Variants in USP25 observed in about 807,000 individuals in gnomAD.
USP25 encodes ubiquitin specific peptidase 25.
Under a neutral mutation model 158.5 loss-of-function variants are expected in USP25, and 85 were observed. The observed-to-expected ratio is 0.54, with a 90% confidence interval of 0.45 to 0.64. USP25 has a LOEUF of 0.64. Among genes scored for constraint, USP25 ranks in the 30% least tolerant of loss-of-function variants. The pLI is 0.00. For missense variants in USP25, 1,242 were observed against 1,327.3 expected (o/e 0.94, Z 1.00); for synonymous variants, 464 against 460.4 (o/e 1.01, Z -0.10).
intron 20 of USP25, among the ~76,000 whole-genome samples, chr21:15,859,780 T>C (rs1420797029): frequency 6.6e-6 from 1 of 151,964 alleles, no homozygotes; most frequent in East Asian, 1.9e-4. Flanking sequence ...TAAAACATTT[T>C]TTCTGTATTA....
chr21:15,825,862 C>A (rs1301573196), intron 12 of USP25, among the ~76,000 whole-genome samples: 2 of 152,128 alleles, frequency 1.3e-5, no homozygotes, highest in African/African-American at 4.8e-5. Flanking sequence ...GTACACATCA[C>A]TGTCTTGATC....
intron 23 of USP25, among the ~76,000 whole-genome samples, chr21:15,871,506 G>A (rs2146592295): frequency 6.6e-6 from 1 of 152,184 alleles, no homozygotes; most frequent in South Asian, 2.1e-4. Context: ...ACTAGGAGAA[G>A]AAAAATTAAA....
intron 9 of USP25, among the ~76,000 whole-genome samples, chr21:15,817,965 A>G (rs2037031577): frequency 6.6e-6 from 1 of 152,182 alleles, no homozygotes; most frequent in Non-Finnish European, 1.5e-5. Flanking sequence ...GTAGATTTTA[A>G]CTCACTGCCT....
rs1437662793 is a variant in USP25, at chr21:15,843,085, G to A, written c.2337+545G>A. On this transcript the variant is annotated intron_variant, in intron 18 of 25. Transcript: ENST00000400183. This position sits in a 1 kb window ranked among gnomAD's most constrained non-coding sequence, Gnocchi z 4.0. ...TTTTAAGAACGTCCTGTGCAAAAAC[G>A]TCATTAGGCTACTCTATTGTAGTTT... Among the ~76,000 whole-genome samples the A allele has an allele frequency of 2.0e-5, 3 of 152,048 alleles. No individual in the cohort carries two copies. Among genetic ancestry groups the A allele is most frequent in the East Asian group, 3.8e-4 (2 of 5,196 alleles).
At chr21:15,814,527 A>G (rs1316006212) in intron 9 of USP25, among the ~76,000 whole-genome samples, 1 of 152,160 alleles carries the variant, frequency 6.6e-6, no homozygotes, top group East Asian at 1.9e-4. Flanking sequence ...TGATAGTGAT[A>G]TGAACAATAA....
At chr21:15,785,999 C>T (rs2035250405) in intron 4 of USP25, among the ~76,000 whole-genome samples, 2 of 150,864 alleles carry the variant, frequency 1.3e-5, no homozygotes, top group Non-Finnish European at 3.0e-5. Context: ...TGGAGGATCA[C>T]AAGAGACTAT....
At chr21:15,795,367 A>G (rs747595049) in intron 5 of USP25, among the ~76,000 whole-genome samples, 2 of 151,686 alleles carry the variant, frequency 1.3e-5, no homozygotes, top group East Asian at 1.9e-4. Flanking sequence ...TATTTTCTAT[A>G]TACTTTAATA....
chr21:15,781,756 C>T (rs2034977455), intron 4 of USP25, among the ~76,000 whole-genome samples: 2 of 152,102 alleles, frequency 1.3e-5, no homozygotes, highest in Non-Finnish European at 2.9e-5. Flanking sequence ...ATCATCAGTC[C>T]TCATCACCAC....
chr21:15,820,672 T>C (rs2037186303), intron 10 of USP25, among the ~76,000 whole-genome samples: 1 of 152,036 alleles, frequency 6.6e-6, no homozygotes, highest in Non-Finnish European at 1.5e-5. Context: ...TATAGTCTTA[T>C]TATATCCTTT....
At chr21:15,765,745 G>A (rs538970183) in intron 2 of USP25, among the ~76,000 whole-genome samples, 1 of 152,158 alleles carries the variant, frequency 6.6e-6, no homozygotes, top group East Asian at 1.9e-4. Context: ...AGATAGGAAA[G>A]TAATGAAGAC....
intron 8 of USP25, 28 bp from the exon 9 acceptor site, chr21:15,811,109 C>T: frequency 1.3e-6 from 2 of 1,581,896 alleles, no homozygotes; most frequent in South Asian, 2.3e-5. Flanking sequence ...AAATTGTAAT[C>T]ACATTTATAT....
chr21:15,850,966 A>C (rs2038858411), intron 20 of USP25, among the ~76,000 whole-genome samples: 1 of 151,978 alleles, frequency 6.6e-6, no homozygotes, highest in African/African-American at 2.4e-5. Context: ...AAAGGTTGAA[A>C]ATCTACTTCT....
intron 1 of USP25, among the ~76,000 whole-genome samples, chr21:15,730,647 A>T (rs990105547): frequency 6.6e-6 from 1 of 152,004 alleles, no homozygotes; most frequent in African/African-American, 2.4e-5. Flanking sequence ...GCTTCAATCC[A>T]CTTCCTTCTG....
intron 1 of USP25, among the ~76,000 whole-genome samples, chr21:15,752,494 G>A (rs1285931679): frequency 6.6e-6 from 1 of 152,200 alleles, no homozygotes; most frequent in Non-Finnish European, 1.5e-5. Flanking sequence ...GATTACAGGC[G>A]TGAGCCACTG....
chr21:15,819,664 C>G (rs2037129963), intron 10 of USP25, among the ~76,000 whole-genome samples: 1 of 152,080 alleles, frequency 6.6e-6, no homozygotes, highest in Non-Finnish European at 1.5e-5. Flanking sequence ...GCTTATCAAA[C>G]AAGTTTCTGA....
intron 1 of USP25, among the ~76,000 whole-genome samples, chr21:15,737,997 T>TTTC (rs2123188631): frequency 6.6e-6 from 1 of 152,308 alleles, no homozygotes; most frequent in Admixed American, 6.5e-5. Flanking sequence ...TTGTGGAGCA[T>TTTC]TTCTTATTTC....
At chr21:15,861,113 A>C (rs1204941190) in intron 20 of USP25, among the ~76,000 whole-genome samples, 3 of 152,124 alleles carry the variant, frequency 2.0e-5, no homozygotes, top group African/African-American at 7.2e-5. Context: ...AGAACTGAAC[A>C]AGGTCTCAAA....
chr21:15,868,396 T>C (rs2039746418), intron 22 of USP25, among the ~76,000 whole-genome samples: 1 of 152,170 alleles, frequency 6.6e-6, no homozygotes, highest in Non-Finnish European at 1.5e-5. Flanking sequence ...TCTTCCCTTG[T>C]CCCCAAGATT....
Position 15,828,943 on chromosome 21 carries a change from A to C in USP25, c.1694-1588A>C, listed in dbSNP as rs564960971. ...TGAGCCACCATGCCTGGCTGTTAAGATTTTTATATGTAATACTATGGATCA... is the reference window on the plus strand; with the variant it reads ...TGAGCCACCATGCCTGGCTGTTAAGCTTTTTATATGTAATACTATGGATCA... On this transcript the variant is annotated intron_variant, in intron 14 of 25. Transcript: ENST00000400183. 8.5e-5 allele frequency among the ~76,000 whole-genome samples: 13 copies of C among 152,126 alleles called. No individual in the cohort carries two copies. The South Asian group carries it at 2.5e-3, about 29-fold the overall frequency.
Sources: allele counts gnomAD v4.1 joint callset (sites outside exome capture counted in the v4.1 genomes callset), GRCh38; gene constraint gnomAD v4.1.1; non-coding constraint Gnocchi (gnomAD v3.1); transcripts MANE v1.5; gene names NCBI Gene and HGNC (gene_info 2026-07-23, HGNC 2026-07-21).